KPNA3: variants seen among roughly 807,000 people sequenced by gnomAD.
KPNA3 encodes karyopherin subunit alpha 3.
In KPNA3, 13 loss-of-function variants were observed where a neutral mutation model predicts 73.8. That is an observed-to-expected ratio of 0.18 (90% CI 0.11 to 0.28). KPNA3 has a LOEUF of 0.28. KPNA3 is among the 10% of genes least tolerant of loss of function. The pLI, the probability that KPNA3 is intolerant of heterozygous loss-of-function variation, is 1.00. For synonymous variants in KPNA3, 186 were observed against 206.9 expected (o/e 0.90, Z 0.87); for missense variants, 360 against 618.1 (o/e 0.58, Z 4.43).
At chr13:49,715,100 C>G (rs551113268) in intron 10 of KPNA3, among the ~76,000 whole-genome samples, 2 of 151,410 alleles carry the variant, frequency 1.3e-5, no homozygotes, top group South Asian at 4.2e-4. Flanking sequence ...ATAGAACACC[C>G]AAAAAAGGAA....
intron 6 of KPNA3, among the ~76,000 whole-genome samples, chr13:49,726,722 C>T (rs912814528): frequency 1.2e-4 from 18 of 151,970 alleles, no homozygotes; most frequent in African/African-American, 3.4e-4. Flanking sequence ...GCAGGCAGAT[C>T]GCTTGAGCCA....
intron 9 of KPNA3, 69 bp from the exon 10 acceptor site, chr13:49,719,888 A>G (rs1389784263): frequency 9.8e-7 from 1 of 1,023,846 alleles, no homozygotes; most frequent in Non-Finnish European, 1.5e-6. Flanking sequence ...AACAACTTTG[A>G]CATAAAAAGC....
chr13:49,775,651 T>C (rs1242470629), intron 1 of KPNA3, among the ~76,000 whole-genome samples: 4 of 152,216 alleles, frequency 2.6e-5, no homozygotes, highest in Admixed American at 6.5e-5. Context: ...TTCACACCTA[T>C]CTTTTCTCTG....
intron 1 of KPNA3, among the ~76,000 whole-genome samples, chr13:49,784,366 C>G (rs1353334839): frequency 6.6e-6 from 1 of 152,096 alleles, no homozygotes; most frequent in African/African-American, 2.4e-5. Flanking sequence ...GTCTATTAGG[C>G]TAAATATGAA....
At chr13:49,780,440 T>G (rs562605019) in intron 1 of KPNA3, among the ~76,000 whole-genome samples, 1 of 152,300 alleles carries the variant, frequency 6.6e-6, no homozygotes, top group African/African-American at 2.4e-5. Flanking sequence ...TCAATCTCAG[T>G]GCCAACACTA....
chr13:49,704,437 ATAAATAAAT>A (rs1566330829), intron 15 of KPNA3, among the ~76,000 whole-genome samples: 116 of 4,656 alleles, frequency 0.025, 1 homozygote, highest in South Asian at 0.062. Context: ...TAAATAAAAA[ATAAATAAAT>A]AAATAAATAA....
chr13:49,736,543 T>C (rs1193305616), intron 2 of KPNA3, among the ~76,000 whole-genome samples: 1 of 152,222 alleles, frequency 6.6e-6, no homozygotes, highest in African/African-American at 2.4e-5. Flanking sequence ...CACATGCAGT[T>C]ATAAGAATAT....
chr13:49,725,272 A>G (rs1014539524), intron 7 of KPNA3, 144 bp downstream of exon 7: 3 of 448,170 alleles, frequency 6.7e-6, no homozygotes, highest in African/African-American at 6.1e-5. Flanking sequence ...AATGACGGCT[A>G]TGAAAAAGAT....
Position 49,775,081 on chromosome 13 carries a change from A to C in KPNA3, c.69+17357T>G, listed in dbSNP as rs1594460906. ...AGGCAGGAGCATCCCTTGAACTGGG[A>C]GGCGGAGGTTGCAGTGAGCGGAGAT... is the stretch of plus-strand genomic sequence containing the variant. On this transcript the variant is annotated intron_variant, in intron 1 of 16. Coordinates refer to ENST00000261667, the MANE Select transcript of KPNA3 (RefSeq NM_002267.4). Among the ~76,000 whole-genome samples the C allele has an allele frequency of 2.9e-5, 4 of 136,444 alleles. 1 individual carries two copies. The South Asian group carries it at 1.0e-3, about 35-fold the overall frequency. The allele number at this position is 136,444 out of a possible 152,430, so 89.5% of individuals were successfully genotyped here. A position where few individuals can be genotyped will look rare whatever the true frequency, so the allele number is the denominator to read the frequency against.
intron 1 of KPNA3, among the ~76,000 whole-genome samples, chr13:49,778,037 G>C (rs1954911354): frequency 6.6e-6 from 1 of 152,080 alleles, no homozygotes; most frequent in South Asian, 2.1e-4. Flanking sequence ...AAAAAACACT[G>C]AAACTACCAT....
rs1452495964 is a variant in KPNA3, at chr13:49,701,724, T to C, written c.*76A>G. ...TGTGTGTTTTGGAGCCTTTTGTTGC[T>C]GTTGTTCTTATCATTTGGTAGCCAT... On this transcript the variant is annotated 3_prime_UTR_variant, in exon 17 of 17. Coordinates refer to ENST00000261667, the MANE Select transcript of KPNA3 (RefSeq NM_002267.4). 1.7e-5 allele frequency: 15 copies of C among 899,096 alleles called. No individual in the cohort carries two copies. The highest frequency in any genetic ancestry group is 2.6e-5 in the Non-Finnish European group (14 of 529,812). 55.7% of individuals were successfully genotyped at this position (899,096 alleles called of 1,614,324 possible). A position where few individuals can be genotyped will look rare whatever the true frequency, so the allele number is the denominator to read the frequency against.
intron 1 of KPNA3, among the ~76,000 whole-genome samples, chr13:49,767,434 G>C (rs1954818108): frequency 6.7e-6 from 1 of 149,568 alleles, no homozygotes; most frequent in Non-Finnish European, 1.5e-5. Context: ...AAAAAAAGAA[G>C]AAAAAAAGAA....
chr13:49,786,576 T>G (rs547899186), intron 1 of KPNA3, among the ~76,000 whole-genome samples: 1 of 151,670 alleles, frequency 6.6e-6, no homozygotes, highest in Non-Finnish European at 1.5e-5. Context: ...TATGAAGGAG[T>G]CTCACTGAAG....
chr13:49,768,609 G>T (rs2137591224), intron 1 of KPNA3, among the ~76,000 whole-genome samples: 1 of 96,798 alleles, frequency 1.0e-5, no homozygotes, highest in Non-Finnish European at 1.9e-5. Flanking sequence ...CATTCCATTA[G>T]ATATTCCTCT....
rs937717982 is a variant in KPNA3, at chr13:49,712,275, T to C, written c.772-1253A>G. Among the ~76,000 whole-genome samples the C allele has an allele frequency of 2.0e-5, 3 of 152,284 alleles. No individual in the cohort carries two copies. In the South Asian group the frequency reaches 6.2e-4, roughly 32 times the overall value. ...CAAAAGAGAAAAGACAGTCAACAGATGCCAATATTGAGATGACACACATAT... is the reference window on the plus strand; with the variant it reads ...CAAAAGAGAAAAGACAGTCAACAGACGCCAATATTGAGATGACACACATAT... On this transcript the variant is annotated intron_variant, in intron 10 of 16. Coordinates refer to ENST00000261667, the MANE Select transcript of KPNA3 (RefSeq NM_002267.4).
chr13:49,705,380 T>C (rs1281370367), intron 15 of KPNA3, among the ~76,000 whole-genome samples: 1 of 150,504 alleles, frequency 6.6e-6, no homozygotes. Flanking sequence ...AAAAAAGCTA[T>C]GTTGTCAATC....
chr13:49,731,215 T>C (rs551005448), intron 6 of KPNA3, among the ~76,000 whole-genome samples: 84 of 150,396 alleles, frequency 5.6e-4, no homozygotes, highest in African/African-American at 1.7e-3. Flanking sequence ...GCTGGGACTA[T>C]AGGCATGTGC....
At chr13:49,753,507 G>C (rs13313256) in intron 1 of KPNA3, among the ~76,000 whole-genome samples, 1 of 152,100 alleles carries the variant, frequency 6.6e-6, no homozygotes, top group African/African-American at 2.4e-5. Flanking sequence ...AATAACTGGA[G>C]AGACACTGAT....
At chr13:49,732,933 C>A (rs1191696379) in intron 3 of KPNA3, 24 bp downstream of exon 3, 2 of 1,488,524 alleles carry the variant, frequency 1.3e-6, no homozygotes, top group South Asian at 1.2e-5. Flanking sequence ...ATTTTAAAAT[C>A]ACTATTAAAA....
Sources: gnomAD v4.1 joint callset for allele counts (sites outside exome capture counted in the v4.1 genomes callset) on GRCh38, gnomAD v4.1.1 for gene constraint, MANE v1.5 for transcripts, NCBI Gene and HGNC (gene_info 2026-07-23, HGNC 2026-07-21) for gene names.